Variants in TMEFF2 observed in about 807,000 individuals in gnomAD.
The protein encoded by TMEFF2 is tomoregulin-2.
A neutral mutation model predicts 53.8 loss-of-function variants in TMEFF2; 28 were observed. The ratio of observed to expected loss-of-function variants is 0.52; its 90% confidence interval spans 0.39 to 0.71. The LOEUF (loss-of-function observed/expected upper bound fraction) is 0.71, where lower values mean the gene tolerates loss of function less well. Ranked by LOEUF, TMEFF2 falls within the 30% of genes least tolerant of loss-of-function variation. The pLI is 0.00. For missense variants in TMEFF2, 353 were observed against 455.2 expected, an observed-to-expected ratio of 0.78 and a Z score of 2.04; for synonymous variants, 162 against 166.3, an observed-to-expected ratio of 0.97 and a Z score of 0.20.
chr2:192,104,755 C>G (rs939882517), intron 4 of TMEFF2, among the ~76,000 whole-genome samples: 2 of 151,886 alleles, frequency 1.3e-5, no homozygotes, highest in Admixed American at 6.6e-5. Flanking sequence ...TTAATTGTCA[C>G]AAATTTCTGG....
intron 2 of TMEFF2, 22 bp downstream of exon 2, chr2:192,191,858 A>G: frequency 6.8e-7 from 1 of 1,476,554 alleles, no homozygotes; most frequent in Non-Finnish European, 9.5e-7. Flanking sequence ...GAATTAGAAG[A>G]TGCAAATATA....
At chr2:192,033,991 T>C (rs1053796128) in intron 5 of TMEFF2, among the ~76,000 whole-genome samples, 24 of 151,924 alleles carry the variant, frequency 1.6e-4, no homozygotes, top group African/African-American at 5.6e-4. Context: ...CTGGCTAACA[T>C]GGTGAAACCC....
rs528606942 is a variant in TMEFF2 at position 192,172,698 on chromosome 2, A to G, written c.439+6970T>C. On this transcript the variant is annotated intron_variant, in intron 4 of 9. Coordinates refer to ENST00000272771, the MANE Select transcript of TMEFF2 (RefSeq NM_016192.4). ...GGACTGAGGTGTGTGATTAACTTAG[A>G]TAATTACATTGAGTAGAACAGATGA... 1.5e-4 allele frequency among the ~76,000 whole-genome samples: 23 copies of G among 152,120 alleles called. No homozygotes were observed. In the East Asian group the frequency reaches 3.3e-3, roughly 22 times the overall value.
At chr2:192,161,539 C>T (rs1173255380) in intron 4 of TMEFF2, among the ~76,000 whole-genome samples, 4 of 152,138 alleles carry the variant, frequency 2.6e-5, no homozygotes, top group African/African-American at 7.2e-5. Flanking sequence ...TAATGCACTT[C>T]CAAATTTAAA....
chr2:192,170,320 G>A (rs1054202267), intron 4 of TMEFF2, among the ~76,000 whole-genome samples: 3 of 152,076 alleles, frequency 2.0e-5, no homozygotes, highest in Admixed American at 6.6e-5. Context: ...GTTCTCTGGA[G>A]AGGATAGTCA....
At chr2:192,001,682 G>A (rs888490706) in intron 5 of TMEFF2, among the ~76,000 whole-genome samples, 2 of 152,118 alleles carry the variant, frequency 1.3e-5, no homozygotes, top group African/African-American at 4.8e-5. Context: ...TAGTGAATAA[G>A]TCTCATGAGA....
At chr2:192,072,759 AG>A (rs1688320432) in intron 4 of TMEFF2, among the ~76,000 whole-genome samples, 1 of 151,982 alleles carries the variant, frequency 6.6e-6, no homozygotes, top group South Asian at 2.1e-4. Context: ...TGGATGTACA[AG>A]CACTGGTATT....
At chr2:191,987,019 C>A (rs1412211997) in intron 7 of TMEFF2, among the ~76,000 whole-genome samples, 1 of 152,052 alleles carries the variant, frequency 6.6e-6, no homozygotes, top group Admixed American at 6.6e-5. Flanking sequence ...AACTTCTAGA[C>A]CTCATCTAAT....
chr2:192,118,688 T>A (rs1559134257), intron 4 of TMEFF2, among the ~76,000 whole-genome samples: 1 of 152,160 alleles, frequency 6.6e-6, no homozygotes, highest in South Asian at 2.1e-4. Flanking sequence ...CAAGACAAAT[T>A]CCTTGAAGAC....
intron 4 of TMEFF2, among the ~76,000 whole-genome samples, chr2:192,129,470 G>A (rs1689759735): frequency 6.6e-6 from 1 of 152,130 alleles, no homozygotes; most frequent in Non-Finnish European, 1.5e-5. Context: ...TTAGAGGGAT[G>A]GGTTTTAATA....
intron 4 of TMEFF2, among the ~76,000 whole-genome samples, chr2:192,129,461 T>C (rs1436344034): frequency 6.6e-6 from 1 of 152,184 alleles, no homozygotes; most frequent in Non-Finnish European, 1.5e-5. Context: ...AAGACACTCT[T>C]AGAGGGATGG....
At chr2:192,094,285 GCTC>G (rs968152927) in intron 4 of TMEFF2, among the ~76,000 whole-genome samples, 1 of 152,078 alleles carries the variant, frequency 6.6e-6, no homozygotes, top group Non-Finnish European at 1.5e-5. Flanking sequence ...TTATTATCAT[GCTC>G]CTCATGTTTC....
intron 5 of TMEFF2, among the ~76,000 whole-genome samples, chr2:192,019,636 CT>C (rs907901415): frequency 1.6e-4 from 23 of 147,664 alleles, no homozygotes; most frequent in African/African-American, 3.5e-4. Flanking sequence ...TAAATGTTGT[CT>C]TTTTTTTTTC....
chr2:192,161,133 C>T (rs10210756), intron 4 of TMEFF2, among the ~76,000 whole-genome samples: 38,097 of 151,830 alleles, frequency 0.25, 4,852 homozygotes, highest in Admixed American at 0.32. Context: ...TGCATACCAG[C>T]GTCCAAGCAG....
At chr2:191,956,399 A>C in intron 7 of TMEFF2, 21 bp from the exon 8 acceptor site, 1 of 1,608,790 alleles carries the variant, frequency 6.2e-7, no homozygotes, top group South Asian at 1.1e-5. Context: ...AGATAAAAGT[A>C]AGCACCCCCT....
chr2:191,975,358 G>C (rs1279473631), intron 7 of TMEFF2, among the ~76,000 whole-genome samples: 1 of 96,212 alleles, frequency 1.0e-5, no homozygotes, highest in African/African-American at 2.7e-5. Context: ...TTATATCAGA[G>C]CCTTTCTTTA....
At chr2:191,959,983 T>G (rs1368885575) in intron 7 of TMEFF2, among the ~76,000 whole-genome samples, 1 of 152,132 alleles carries the variant, frequency 6.6e-6, no homozygotes, top group Non-Finnish European at 1.5e-5. Flanking sequence ...CTCAAGTGAT[T>G]CTCGTGTCTC....
intron 9 of TMEFF2, among the ~76,000 whole-genome samples, chr2:191,951,258 A>G (rs555418297): frequency 1.9e-5 from 2 of 107,360 alleles, no homozygotes; most frequent in Non-Finnish European, 4.2e-5. Flanking sequence ...AGCTGAAATC[A>G]CATTCCCAGC....
At chr2:192,174,615 A>T (rs1417020279) in intron 4 of TMEFF2, among the ~76,000 whole-genome samples, 1 of 151,752 alleles carries the variant, frequency 6.6e-6, no homozygotes, top group African/African-American at 2.4e-5. Flanking sequence ...TCTCCAGCAG[A>T]ACAGCAGCTC....
Sources: gnomAD v4.1 joint callset for allele counts (sites outside exome capture counted in the v4.1 genomes callset) on GRCh38, gnomAD v4.1.1 for gene constraint, MANE v1.5 for transcripts, NCBI Gene and HGNC (gene_info 2026-07-23, HGNC 2026-07-21) for gene names.